The following DRC11 variants were observed in gnomAD, a reference collection of about 807,000 sequenced individuals.
The protein encoded by DRC11 is IQ and AAA domain-containing protein 1.
chr2:236,395,274 C>T, the DRC11 span, among the ~76,000 whole-genome samples: 1 of 152,204 alleles, frequency 6.6e-6, no homozygotes, highest in Non-Finnish European at 1.5e-5. Flanking sequence ...GCGAAAAAGG[C>T]TGATGGGCTG....
At chr2:236,395,677 T>C in the DRC11 span, among the ~76,000 whole-genome samples, 4 of 152,364 alleles carry the variant, frequency 2.6e-5, no homozygotes, top group East Asian at 7.7e-4. Context: ...CTTCCTTTTA[T>C]GTGTTTAAAA....
chr2:236,322,972 G>A, the DRC11 span, among the ~76,000 whole-genome samples: 1 of 152,178 alleles, frequency 6.6e-6, no homozygotes, highest in African/African-American at 2.4e-5. Flanking sequence ...GTGCTCTAAA[G>A]CATAAGTATC....
At chr2:236,383,710 T>A in the DRC11 span, among the ~76,000 whole-genome samples, 10 of 151,894 alleles carry the variant, frequency 6.6e-5, no homozygotes, top group Admixed American at 6.6e-4. Context: ...CATGTGCACA[T>A]TGTGCAGGTT....
the DRC11 span, among the ~76,000 whole-genome samples, chr2:236,373,411 T>G: frequency 6.6e-6 from 1 of 152,050 alleles, no homozygotes; most frequent in Admixed American, 6.5e-5. Flanking sequence ...CCATCACACC[T>G]GGCTAACTTT....
At chr2:236,467,684 GAGAACAACAT>G in the DRC11 span, among the ~76,000 whole-genome samples, 1 of 152,130 alleles carries the variant, frequency 6.6e-6, no homozygotes, top group Non-Finnish European at 1.5e-5. Context: ...CCAAGGGTAA[GAGAACAACAT>G]TAAAGTCCAT....
chr2:236,404,616 A>G, the DRC11 span, among the ~76,000 whole-genome samples: 5 of 152,212 alleles, frequency 3.3e-5, no homozygotes, highest in Non-Finnish European at 7.3e-5. Context: ...CGGCATGTGA[A>G]GGTGGCCTGC....
At chr2:236,323,284 G>A in the DRC11 span, among the ~76,000 whole-genome samples, 2 of 152,174 alleles carry the variant, frequency 1.3e-5, no homozygotes, top group South Asian at 2.1e-4. The surrounding 1 kb of genome is among the most constrained non-coding windows in gnomAD (Gnocchi z 6.4). Flanking sequence ...GGGATGTTAG[G>A]GTGGGGGAGT....
the DRC11 span, among the ~76,000 whole-genome samples, chr2:236,385,131 C>A: frequency 1.4e-4 from 22 of 152,094 alleles, no homozygotes; most frequent in South Asian, 2.9e-3. Context: ...TTAGGATTGA[C>A]TTGGCGACGC....
the DRC11 span, among the ~76,000 whole-genome samples, chr2:236,358,335 A>G: frequency 7.5e-6 from 1 of 132,838 alleles, no homozygotes; most frequent in African/African-American, 3.1e-5. Flanking sequence ...AATATATATG[A>G]TATATAGATA....
chr2:236,491,055 T>C, the DRC11 span, among the ~76,000 whole-genome samples: 2 of 139,454 alleles, frequency 1.4e-5, no homozygotes, highest in Non-Finnish European at 3.0e-5. Context: ...AGTATATATA[T>C]ATATACACAC....
chr2:236,343,171 T>C, the DRC11 span, among the ~76,000 whole-genome samples: 1 of 152,122 alleles, frequency 6.6e-6, no homozygotes, highest in Non-Finnish European at 1.5e-5. This position sits in a 1 kb window ranked among gnomAD's most constrained non-coding sequence, Gnocchi z 6.6. Context: ...ACTCCCTTTA[T>C]GCGAGGGTGT....
chr2:236,356,939 T>C, the DRC11 span, among the ~76,000 whole-genome samples: 2 of 141,100 alleles, frequency 1.4e-5, no homozygotes, highest in Non-Finnish European at 3.0e-5. Context: ...TATTTATATA[T>C]TATATATTCA....
At chr2:236,471,797 G>A in the DRC11 span, among the ~76,000 whole-genome samples, 3 of 152,188 alleles carry the variant, frequency 2.0e-5, no homozygotes, top group Non-Finnish European at 2.9e-5. This position sits in a 1 kb window ranked among gnomAD's most constrained non-coding sequence, Gnocchi z 4.6. Context: ...ACCCAGGCAG[G>A]TTGGCTCCAG....
At chr2:236,324,903 T>C in the DRC11 span, 1 of 682,370 alleles carries the variant, frequency 1.5e-6, no homozygotes. The surrounding 1 kb of genome is among the most constrained non-coding windows in gnomAD (Gnocchi z 5.7). Context: ...ACTTTGGGCA[T>C]TTAAGGTATG....
the DRC11 span, among the ~76,000 whole-genome samples, chr2:236,336,282 A>G: frequency 6.6e-6 from 1 of 152,198 alleles, no homozygotes; most frequent in Admixed American, 6.5e-5. The surrounding 1 kb of genome is among the most constrained non-coding windows in gnomAD (Gnocchi z 7.3). Context: ...TTAGCAAAAA[A>G]AACGGAGCAG....
the DRC11 span, among the ~76,000 whole-genome samples, chr2:236,460,747 A>T: frequency 6.6e-6 from 1 of 151,784 alleles, no homozygotes; most frequent in Non-Finnish European, 1.5e-5. The surrounding 1 kb of genome is among the most constrained non-coding windows in gnomAD (Gnocchi z 4.0). Flanking sequence ...CTGCAAATAC[A>T]TATTTATTTT....
the DRC11 span, among the ~76,000 whole-genome samples, chr2:236,439,794 TTC>T: frequency 1.3e-5 from 2 of 152,352 alleles, no homozygotes; most frequent in African/African-American, 4.8e-5. Context: ...TGACATTTTT[TTC>T]CAACAGATTT....
At chr2:236,424,221 A>G in the DRC11 span, among the ~76,000 whole-genome samples, 2 of 152,226 alleles carry the variant, frequency 1.3e-5, no homozygotes, top group Admixed American at 1.3e-4. Flanking sequence ...TCAGAAATGT[A>G]AAGACTTAAA....
chr2:236,398,770 G>A, the DRC11 span, among the ~76,000 whole-genome samples: 1 of 152,124 alleles, frequency 6.6e-6, no homozygotes, highest in African/African-American at 2.4e-5. The surrounding 1 kb of genome is among the most constrained non-coding windows in gnomAD (Gnocchi z 6.2). Context: ...CAGAATTGAG[G>A]CACACATCTT....
Sources: allele counts gnomAD v4.1 joint callset (sites outside exome capture counted in the v4.1 genomes callset), GRCh38; gene constraint gnomAD v4.1.1; non-coding constraint Gnocchi (gnomAD v3.1); transcripts MANE v1.5; gene names NCBI Gene and HGNC (gene_info 2026-07-23, HGNC 2026-07-21).